PRKG1: variants seen among roughly 807,000 people sequenced by gnomAD.
PRKG1 encodes cGMP-dependent protein kinase 1.
PRKG1 carries 35 observed loss-of-function variants against 88.1 expected under a neutral mutation model. That is an observed-to-expected ratio of 0.40 (90% CI 0.30 to 0.53). The LOEUF is 0.53. Ranked by LOEUF, PRKG1 falls within the 20% of genes least tolerant of loss-of-function variation. The pLI is 0.59. For missense variants in PRKG1, 540 were observed against 839.8 expected, an observed-to-expected ratio of 0.64 and a Z score of 4.41; for synonymous variants, 303 against 292.5, an observed-to-expected ratio of 1.04 and a Z score of -0.37.
intron 3 of PRKG1, among the ~76,000 whole-genome samples, chr10:51,540,732 GT>G (rs1186664606): frequency 3.3e-5 from 5 of 151,682 alleles, no homozygotes; most frequent in Admixed American, 6.6e-5. Flanking sequence ...TTGTTTGTTT[GT>G]TTTTGAGACG....
chr10:52,239,535 A>AG (rs1026738425), intron 9 of PRKG1, among the ~76,000 whole-genome samples: 1 of 146,758 alleles, frequency 6.8e-6, no homozygotes, highest in Non-Finnish European at 1.5e-5. Context: ...AAAAAAAAAA[A>AG]AAAAAAAAAA....
chr10:51,515,183 G>C (rs1482949602), intron 3 of PRKG1, among the ~76,000 whole-genome samples: 1 of 152,142 alleles, frequency 6.6e-6, no homozygotes, highest in Non-Finnish European at 1.5e-5. Flanking sequence ...GGCATATAAA[G>C]TATTTAGGTT....
At chr10:51,235,644 C>T (rs1029471484) in intron 2 of PRKG1, among the ~76,000 whole-genome samples, 4 of 152,254 alleles carry the variant, frequency 2.6e-5, no homozygotes, top group African/African-American at 9.6e-5. Flanking sequence ...ATTCTAGATG[C>T]TTACTTTTCT....
chr10:51,566,904 A>G (rs914151323), intron 3 of PRKG1, among the ~76,000 whole-genome samples: 14 of 151,152 alleles, frequency 9.3e-5, no homozygotes, highest in East Asian at 7.8e-4. Flanking sequence ...AATGTTGTCA[A>G]TATATAGACA....
At chr10:51,051,950 CT>C (rs1449483996) in intron 1 of PRKG1, among the ~76,000 whole-genome samples, 1 of 152,012 alleles carries the variant, frequency 6.6e-6, no homozygotes, top group Non-Finnish European at 1.5e-5. Context: ...TATTAAAATA[CT>C]TTGATAAATA....
At position 51,391,474 on chromosome 10, in the gene PRKG1, G is replaced by A. The variant is rs946796088; in HGVS notation, c.479-76249G>A. Among the ~76,000 whole-genome samples the A allele has an allele frequency of 3.9e-5, 6 of 152,316 alleles. No individual in the cohort carries two copies. In the East Asian group the frequency reaches 1.2e-3, roughly 29 times the overall value. ...TGTGCTAGTCAATGTATTTGTTGAG[G>A]AAGATTTATGGTTCTATTCTTTTAG... On this transcript the variant is annotated intron_variant, in intron 2 of 17. Coordinates refer to ENST00000373980, the MANE Select transcript of PRKG1 (RefSeq NM_006258.4).
intron 3 of PRKG1, among the ~76,000 whole-genome samples, chr10:51,499,782 T>A (rs570844020): frequency 2.6e-5 from 4 of 152,184 alleles, no homozygotes; most frequent in Non-Finnish European, 5.9e-5. Flanking sequence ...CTACAAAAAA[T>A]TTAAAACTAT....
intron 5 of PRKG1, among the ~76,000 whole-genome samples, chr10:52,035,289 G>C (rs2079899960): frequency 1.3e-5 from 2 of 152,168 alleles, no homozygotes; most frequent in Admixed American, 1.3e-4. Context: ...CCAGTCCTGG[G>C]TGGGGCAAAT....
intron 3 of PRKG1, among the ~76,000 whole-genome samples, chr10:51,722,458 T>A (rs1434737916): frequency 6.6e-6 from 1 of 151,656 alleles, no homozygotes. Flanking sequence ...ATATATATAT[T>A]TATTTGTTTT....
chr10:51,023,381 G>A (rs1028837761), intron 1 of PRKG1, among the ~76,000 whole-genome samples: 2 of 152,180 alleles, frequency 1.3e-5, no homozygotes, highest in South Asian at 4.1e-4. Context: ...CAACCCTTAT[G>A]TAAGAGCATT....
intron 2 of PRKG1, among the ~76,000 whole-genome samples, chr10:51,196,476 C>G (rs936859188): frequency 6.6e-6 from 1 of 152,060 alleles, no homozygotes; most frequent in South Asian, 2.1e-4. Context: ...ACACTAGAAA[C>G]CTTTGTCAGT....
intron 4 of PRKG1, among the ~76,000 whole-genome samples, chr10:51,885,178 A>T (rs1279053791): frequency 1.3e-5 from 2 of 152,180 alleles, no homozygotes; most frequent in African/African-American, 4.8e-5. Flanking sequence ...CACAGTTGTG[A>T]TGTTAACCTA....
chr10:51,645,933 C>T (rs900503995), intron 3 of PRKG1, among the ~76,000 whole-genome samples: 2 of 152,086 alleles, frequency 1.3e-5, no homozygotes, highest in Non-Finnish European at 2.9e-5. Flanking sequence ...AAAAATTAAT[C>T]AGTTTTTCAT....
chr10:51,313,398 CTT>C (rs914254336), intron 2 of PRKG1, among the ~76,000 whole-genome samples: 1 of 152,118 alleles, frequency 6.6e-6, no homozygotes, highest in Non-Finnish European at 1.5e-5. Context: ...TCTTATTTCA[CTT>C]TGTTTTTATG....
At chr10:51,425,443 C>T (rs557063018) in intron 2 of PRKG1, among the ~76,000 whole-genome samples, 1 of 152,312 alleles carries the variant, frequency 6.6e-6, no homozygotes, top group East Asian at 1.9e-4. Context: ...GTCTCATAAT[C>T]AAGCCAGTTG....
upstream of PRKG1, chr10:51,074,425 C>T (rs1404289923): frequency 9.7e-6 from 14 of 1,444,040 alleles, no homozygotes; most frequent in South Asian, 3.0e-5. Flanking sequence ...GTGGCTGGAG[C>T]CGGCGGACTG....
chr10:52,270,119 A>T (rs1841679737), intron 10 of PRKG1, among the ~76,000 whole-genome samples: 2 of 152,132 alleles, frequency 1.3e-5, no homozygotes, highest in Non-Finnish European at 2.9e-5. Context: ...TGCAAGGTTA[A>T]AAAGAAGAAA....
chr10:51,570,067 A>ATATATATATATATGTGTGTG (rs1491310201), intron 3 of PRKG1, among the ~76,000 whole-genome samples: 1 of 113,112 alleles, frequency 8.8e-6, no homozygotes, highest in African/African-American at 3.6e-5. Context: ...ATATATATAT[A>ATATATATATATATGTGTGTG]TGTGTGTGTG....
At chr10:51,885,571 T>C (rs1260709118) in intron 4 of PRKG1, among the ~76,000 whole-genome samples, 2 of 152,208 alleles carry the variant, frequency 1.3e-5, no homozygotes, top group Non-Finnish European at 2.9e-5. Context: ...TCACCTTCTC[T>C]AGTCTTCTTT....
Sources: gnomAD v4.1 joint callset for allele counts (sites outside exome capture counted in the v4.1 genomes callset) on GRCh38, gnomAD v4.1.1 for gene constraint, MANE v1.5 for transcripts, NCBI Gene and HGNC (gene_info 2026-07-23, HGNC 2026-07-21) for gene names.